Variants in SIPA1L1 observed in about 807,000 individuals in gnomAD.
SIPA1L1 encodes the protein signal-induced proliferation-associated 1-like protein 1.
In SIPA1L1, 26 loss-of-function variants were observed where a neutral mutation model predicts 162.7. That is an observed-to-expected ratio of 0.16 (90% CI 0.12 to 0.22). The LOEUF (loss-of-function observed/expected upper bound fraction) is 0.22. SIPA1L1 is among the 10% of genes least tolerant of loss of function. The probability of loss-of-function intolerance (pLI) is 1.00; values close to 1 mark genes in which losing one functional copy is unlikely to be tolerated. For synonymous variants in SIPA1L1, 829 were observed against 837.4 expected, an observed-to-expected ratio of 0.99 and a Z score of 0.17; for missense variants, 1,874 against 2,241.0, an observed-to-expected ratio of 0.84 and a Z score of 3.31.
At chr14:71,731,447 C>T (rs1267929716) in intron 20 of SIPA1L1, among the ~76,000 whole-genome samples, 2 of 152,176 alleles carry the variant, frequency 1.3e-5, no homozygotes, top group Non-Finnish European at 2.9e-5. Flanking sequence ...CACTTTTTGT[C>T]ACCAGACTCC....
At chr14:71,596,272 T>C (rs2147864066) in intron 5 of SIPA1L1, among the ~76,000 whole-genome samples, 1 of 152,286 alleles carries the variant, frequency 6.6e-6, no homozygotes, top group East Asian at 1.9e-4. Context: ...GCATTACTCC[T>C]TGTTGGGGAG....
chr14:71,489,056 CTTTG>C (rs2049012896), intron 2 of SIPA1L1, among the ~76,000 whole-genome samples: 1 of 152,314 alleles, frequency 6.6e-6, no homozygotes, highest in East Asian at 1.9e-4. Context: ...ATAAAATGAA[CTTTG>C]TTTGGACCAT....
intron 2 of SIPA1L1, among the ~76,000 whole-genome samples, chr14:71,413,668 C>T (rs1348687577): frequency 1.3e-5 from 2 of 151,972 alleles, no homozygotes; most frequent in Non-Finnish European, 2.9e-5. Context: ...ACCCAGGAGG[C>T]GGAGGTTGCA....
At chr14:71,659,522 C>T (rs948032108) in intron 9 of SIPA1L1, among the ~76,000 whole-genome samples, 1 of 152,106 alleles carries the variant, frequency 6.6e-6, no homozygotes, top group Non-Finnish European at 1.5e-5. Flanking sequence ...TTGTTTTATG[C>T]AAATTCCAGA....
chr14:71,732,905 G>C (rs928165356), intron 20 of SIPA1L1, among the ~76,000 whole-genome samples: 2 of 152,100 alleles, frequency 1.3e-5, no homozygotes, highest in African/African-American at 2.4e-5. Flanking sequence ...TACCACTCCC[G>C]GGCCAGATAA....
chr14:71,617,530 G>A (rs2038967789), intron 5 of SIPA1L1, among the ~76,000 whole-genome samples: 1 of 152,146 alleles, frequency 6.6e-6, no homozygotes, highest in South Asian at 2.1e-4. Context: ...AATAGTCTTA[G>A]AGAGCCCTCA....
intron 12 of SIPA1L1, among the ~76,000 whole-genome samples, chr14:71,684,719 A>G (rs1387402357): frequency 2.7e-5 from 4 of 149,366 alleles, no homozygotes; most frequent in Non-Finnish European, 5.9e-5. Flanking sequence ...GAAGCTGCTT[A>G]TACACTCTTT....
In SIPA1L1 at chr14:71,703,548, C is replaced by T. The variant is rs2082236802; in HGVS notation, c.3646+1043C>T. On this transcript the variant is annotated intron_variant, in intron 15 of 23. Coordinates refer to ENST00000381232, the MANE Select transcript of SIPA1L1 (RefSeq NM_001386936.1). The stretch of plus-strand genomic sequence containing the variant: ...GTTATTGAAGCCATCTGTCATTCTC[C>T]ACTCTTATCCTACCCACCCCTACAC... 2.0e-5 allele frequency among the ~76,000 whole-genome samples: 3 copies of T among 152,184 alleles called. No homozygotes were observed. The South Asian group carries it at 6.2e-4, about 32-fold the overall frequency.
At chr14:71,663,903 A>T (rs920957643) in intron 10 of SIPA1L1, among the ~76,000 whole-genome samples, 1 of 152,238 alleles carries the variant, frequency 6.6e-6, no homozygotes, top group Non-Finnish European at 1.5e-5. Flanking sequence ...CCAAGAAAAC[A>T]TTAGTTTGTA....
At chr14:71,733,296 G>A (rs747462277) in intron 20 of SIPA1L1, among the ~76,000 whole-genome samples, 8 of 152,214 alleles carry the variant, frequency 5.3e-5, no homozygotes, top group African/African-American at 7.2e-5. Context: ...CCCTGTTGAA[G>A]TAGGCCTCTT....
At chr14:71,598,915 G>A (rs1174199170) in intron 5 of SIPA1L1, among the ~76,000 whole-genome samples, 2 of 151,744 alleles carry the variant, frequency 1.3e-5, no homozygotes, top group Non-Finnish European at 3.0e-5. Flanking sequence ...TTGTCTAACT[G>A]TTTGTACTCA....
intron 2 of SIPA1L1, among the ~76,000 whole-genome samples, chr14:71,424,951 C>T (rs1010855734): frequency 6.6e-6 from 1 of 151,840 alleles, no homozygotes; most frequent in African/African-American, 2.4e-5. Flanking sequence ...CTAGTTATAT[C>T]TCTTAGGTTT....
chr14:71,739,158 C>T lies in SIPA1L1; in HGVS notation c.5349C>T (p.Ser1783=), dbSNP rs369620224. The change falls in exon 24 of 24, where the codon AGC becomes AGT. Residue 1783 remains serine (S), a synonymous_variant. Transcript: ENST00000381232. ...TEWVFNTIDM[S] The stretch of plus-strand genomic sequence containing the variant: ...GGGTCTTCAACACCATAGACATGAG[C>T]TAGGGAAGGCTGAGGAGGACAGGAG... 78 of 1,611,842 alleles carry T rather than the reference C, an allele frequency of 4.8e-5. 1 individual carries two copies. Among genetic ancestry groups the T allele is most frequent in the Admixed American group, 1.7e-4 (10 of 59,858 alleles).
intron 2 of SIPA1L1, among the ~76,000 whole-genome samples, chr14:71,426,197 TTC>T (rs202023374): frequency 2.0e-5 from 3 of 152,290 alleles, no homozygotes; most frequent in East Asian, 3.9e-4. Flanking sequence ...TGTTCTACCA[TTC>T]TCTGTCTTTT....
chr14:71,494,346 A>C (rs936919485), intron 2 of SIPA1L1, among the ~76,000 whole-genome samples: 3 of 151,608 alleles, frequency 2.0e-5, no homozygotes, highest in African/African-American at 7.3e-5. Context: ...TAAATTTTTC[A>C]AGTGCTTTTT....
chr14:71,385,965 C>A (rs1368332139), intron 2 of SIPA1L1, among the ~76,000 whole-genome samples: 1 of 152,156 alleles, frequency 6.6e-6, no homozygotes, highest in South Asian at 2.1e-4. Context: ...GGATTACAAG[C>A]GTGTGCCATC....
chr14:71,573,218 CAT>C (rs879374673), intron 4 of SIPA1L1, among the ~76,000 whole-genome samples: 45 of 152,282 alleles, frequency 3.0e-4, no homozygotes, highest in Admixed American at 1.2e-3. Flanking sequence ...TTGATAAAAA[CAT>C]AAACGAATTA....
intron 2 of SIPA1L1, among the ~76,000 whole-genome samples, chr14:71,417,339 C>T (rs1258187054): frequency 6.6e-6 from 1 of 150,392 alleles, no homozygotes; most frequent in African/African-American, 2.4e-5. Flanking sequence ...GGCGAGGTGG[C>T]GGGTGCCTGT....
chr14:71,376,840 A>T (rs1373567672), intron 2 of SIPA1L1, among the ~76,000 whole-genome samples: 3 of 152,138 alleles, frequency 2.0e-5, no homozygotes, highest in African/African-American at 4.8e-5. Flanking sequence ...TTCAGAGAGC[A>T]CGGGGTTGGG....
Sources: allele counts gnomAD v4.1 joint callset (sites outside exome capture counted in the v4.1 genomes callset), GRCh38; gene constraint gnomAD v4.1.1; transcripts MANE v1.5; gene names NCBI Gene and HGNC (gene_info 2026-07-23, HGNC 2026-07-21).